PRIMPOL: variants seen among roughly 807,000 people sequenced by gnomAD.
PRIMPOL encodes primase and DNA directed polymerase.
Under a neutral mutation model 63.6 loss-of-function variants are expected in PRIMPOL, and 54 were observed. The observed-to-expected ratio is 0.85, with a 90% CI of 0.68 to 1.07. The LOEUF (loss-of-function observed/expected upper bound fraction) is 1.07. PRIMPOL is among the 50% of genes least tolerant of loss of function. The pLI is 0.00. For synonymous variants in PRIMPOL, 197 were observed against 220.2 expected (o/e 0.89, Z 0.93); for missense variants, 610 against 648.3 (o/e 0.94, Z 0.64).
At chr4:184,650,430 G>A (rs1743948335) in intron 1 of PRIMPOL, among the ~76,000 whole-genome samples, 1 of 152,224 alleles carries the variant, frequency 6.6e-6, no homozygotes, top group Admixed American at 6.5e-5. Flanking sequence ...AGAGTCCTGT[G>A]GTGAGAACTG....
At chr4:184,658,158 GA>G (rs1285005693) in intron 3 of PRIMPOL, among the ~76,000 whole-genome samples, 2 of 151,792 alleles carry the variant, frequency 1.3e-5, no homozygotes, top group African/African-American at 4.8e-5. Flanking sequence ...AGTGTGCTGT[GA>G]GTCTGATCAC....
rs899078373 is a variant in PRIMPOL, at chr4:184,681,260, A to G, written c.1008-988A>G. On this transcript the variant is annotated intron_variant, in intron 8 of 13. Transcript: ENST00000314970. Reference sequence around the variant, plus strand: ...CCTCCTTCTTTCTTCATTTCTTCCTATAAGTCACACCTCTAAAATTGTTGT... The same window carrying G: ...CCTCCTTCTTTCTTCATTTCTTCCTGTAAGTCACACCTCTAAAATTGTTGT... Among the ~76,000 whole-genome samples, 5 of 152,014 alleles carry G rather than the reference A, an allele frequency of 3.3e-5. 1 individual carries two copies. The highest frequency in any genetic ancestry group is 1.2e-4 in the African/African-American group (5 of 41,364).
chr4:184,675,317 A>C (rs1752999543), intron 7 of PRIMPOL, among the ~76,000 whole-genome samples: 1 of 152,198 alleles, frequency 6.6e-6, no homozygotes, highest in African/African-American at 2.4e-5. Flanking sequence ...TGTTTGGATA[A>C]ATTTTAACTT....
At chr4:184,665,197 C>A (rs1177812679) in intron 5 of PRIMPOL, among the ~76,000 whole-genome samples, 1 of 140,036 alleles carries the variant, frequency 7.1e-6, no homozygotes, top group Admixed American at 6.8e-5. Flanking sequence ...TAAAAATTTC[C>A]ATTTTCTTTT....
intron 13 of PRIMPOL, chr4:184,694,291 T>C: frequency 1.5e-6 from 2 of 1,315,550 alleles, no homozygotes; most frequent in South Asian, 4.3e-5. Context: ...CACAGAACTG[T>C]AGGTAATTTC....
intron 11 of PRIMPOL, among the ~76,000 whole-genome samples, chr4:184,689,916 T>C (rs1262606816): frequency 1.3e-5 from 2 of 152,210 alleles, no homozygotes; most frequent in South Asian, 2.1e-4. Context: ...AGTATTTCAA[T>C]ATCCTGCAGT....
chr4:184,655,564 C>A (rs12513060), intron 2 of PRIMPOL, among the ~76,000 whole-genome samples: 6,435 of 152,230 alleles, frequency 0.042, 180 homozygotes, highest in Middle Eastern at 0.075. Flanking sequence ...TCATGATCCA[C>A]CCGCCTCAGC....
At chr4:184,671,831 T>C (rs1235554926) in intron 6 of PRIMPOL, among the ~76,000 whole-genome samples, 5 of 151,030 alleles carry the variant, frequency 3.3e-5, no homozygotes, top group Non-Finnish European at 5.9e-5. Context: ...CAAGCTCCGC[T>C]TCCTGGGTTC....
intron 8 of PRIMPOL, among the ~76,000 whole-genome samples, chr4:184,681,553 GT>G (rs1158385560): frequency 6.6e-6 from 1 of 151,318 alleles, no homozygotes; most frequent in Non-Finnish European, 1.5e-5. Context: ...TATTTTTATT[GT>G]TTTTTTATTT....
At chr4:184,662,053 T>TTAATA in intron 5 of PRIMPOL, 150 bp downstream of exon 5, 1 of 622,480 alleles carries the variant, frequency 1.6e-6, no homozygotes, top group Non-Finnish European at 2.5e-6. Context: ...TAATATTACT[T>TTAATA]GTATGAGTAA....
At chr4:184,687,690 C>T (rs1757348493) in intron 11 of PRIMPOL, among the ~76,000 whole-genome samples, 1 of 152,252 alleles carries the variant, frequency 6.6e-6, no homozygotes, top group African/African-American at 2.4e-5. Context: ...TCTCGGCTCA[C>T]TGCAACCTCT....
intron 9 of PRIMPOL, 80 bp from the exon 10 acceptor site, chr4:184,685,329 T>C: frequency 1.9e-6 from 2 of 1,041,006 alleles, no homozygotes; most frequent in Non-Finnish European, 3.0e-6. Flanking sequence ...AACCCGTAAT[T>C]GTGCTCAACA....
intron 8 of PRIMPOL, among the ~76,000 whole-genome samples, chr4:184,681,489 G>A (rs958371859): frequency 3.9e-5 from 6 of 151,928 alleles, no homozygotes; most frequent in Admixed American, 3.9e-4. Flanking sequence ...CTAATATAGT[G>A]CACATGCTAT....
At chr4:184,692,820 T>C (rs1342815366) in intron 13 of PRIMPOL, among the ~76,000 whole-genome samples, 1 of 152,182 alleles carries the variant, frequency 6.6e-6, no homozygotes, top group African/African-American at 2.4e-5. Flanking sequence ...ACCAATCTGG[T>C]AGGCAAAATG....
In PRIMPOL at chr4:184,694,602, G is replaced by A. The variant is rs745825452; in HGVS notation, c.1506G>A (p.Arg502=). ...TQNPHKPSPS[R]LSTGASADAV... is the part of the protein sequence containing the mutation. ...ATCCTCATAAACCATCACCTAGCAG[G>A]CTGTCAACAGGTGCATCTGCTGATG... Residue 502 remains arginine, a synonymous_variant, in exon 14 of 14, where the codon AGG becomes AGA. Coordinates refer to ENST00000314970, the MANE Select transcript of PRIMPOL (RefSeq NM_152683.4). 3 of 1,614,088 alleles carry A rather than the reference G, an allele frequency of 1.9e-6. No homozygotes were observed. The highest frequency in any genetic ancestry group is 2.2e-5 in the South Asian group (2 of 91,082).
intron 6 of PRIMPOL, among the ~76,000 whole-genome samples, chr4:184,667,512 A>G (rs190607278): frequency 0.028 from 4,231 of 151,376 alleles, 92 homozygotes; most frequent in Non-Finnish European, 0.045. Context: ...GAGTTTCACC[A>G]GGTTAGCCAG....
At chr4:184,675,361 A>G (rs1286580544) in intron 7 of PRIMPOL, among the ~76,000 whole-genome samples, 2 of 152,258 alleles carry the variant, frequency 1.3e-5, no homozygotes, top group African/African-American at 4.8e-5. Context: ...TTATGACAGT[A>G]AATGATAACT....
chr4:184,660,331 C>G (rs1414680441), intron 4 of PRIMPOL, among the ~76,000 whole-genome samples: 4 of 151,984 alleles, frequency 2.6e-5, no homozygotes, highest in Non-Finnish European at 5.9e-5. Context: ...CAGGTGCCTG[C>G]CACCACGCCT....
In PRIMPOL at chr4:184,651,189, G is replaced by T. The variant is rs569962709; in HGVS notation, c.-137-834G>T. On this transcript the variant is annotated intron_variant, in intron 1 of 13. Transcript: ENST00000314970. The stretch of plus-strand genomic sequence containing the variant: ...ACCTGTAATCCCAGCTACTTGAGAG[G>T]CTGAGGCAGGAGAATCGCTTGAACC... Among the ~76,000 whole-genome samples, 13 of 152,144 alleles carry T rather than the reference G, an allele frequency of 8.5e-5. No homozygotes were observed. The South Asian group carries it at 2.5e-3, about 29-fold the overall frequency.
Sources: gnomAD v4.1 joint callset for allele counts (sites outside exome capture counted in the v4.1 genomes callset) on GRCh38, gnomAD v4.1.1 for gene constraint, MANE v1.5 for transcripts, NCBI Gene and HGNC (gene_info 2026-07-23, HGNC 2026-07-21) for gene names.